Variants in PISD observed in about 807,000 individuals in gnomAD.
PISD encodes phosphatidylserine decarboxylase proenzyme, mitochondrial.
PISD carries 31 observed loss-of-function variants against 43.5 expected under a neutral mutation model. The ratio of observed to expected loss-of-function variants is 0.71; its 90% CI spans 0.54 to 0.96. PISD has a LOEUF of 0.96. Ranked by LOEUF, PISD falls within the 40% of genes least tolerant of loss-of-function variation. The probability of loss-of-function intolerance (pLI) is 0.00; values close to 1 mark genes in which losing one functional copy is unlikely to be tolerated. For missense variants in PISD, 523 were observed against 548.4 expected (o/e 0.95, Z 0.46); for synonymous variants, 259 against 228.7 (o/e 1.13, Z -1.20).
At position 31,662,193 on chromosome 22, in the gene PISD, C is replaced by T. The variant is rs2074341524; in HGVS notation, c.16G>A (p.Gly6Arg). ...TGCAGTAATCCCAGACATCGGTGCC[C>T]CACGGACGTCGCCATCTTGTCTGCT... The part of the protein sequence containing the change: MATSV[G>R]HRCLGLLHGV... The change falls in exon 1 of 8, where the codon GGG becomes AGG. Residue 6 changes from glycine (G) to arginine (R), a missense_variant. Gly to Arg is a moderately radical substitution (Grantham distance 125). Transcript: ENST00000439502. 4 of 1,604,842 alleles carry T rather than the reference C, an allele frequency of 2.5e-6. No homozygotes were observed. Among genetic ancestry groups the T allele is most frequent in the Non-Finnish European group, 3.4e-6 (4 of 1,179,822 alleles).
chr22:31,620,409 G>A, intron 7 of PISD, 144 bp downstream of exon 7: 1 of 759,514 alleles, frequency 1.3e-6, no homozygotes, highest in Non-Finnish European at 2.1e-6. Flanking sequence ...CCATTCTCAG[G>A]ACAGCTGCTC....
intron 3 of PISD, among the ~76,000 whole-genome samples, chr22:31,623,521 G>A (rs568379273): frequency 6.6e-6 from 1 of 152,332 alleles, no homozygotes; most frequent in East Asian, 1.9e-4. Flanking sequence ...CTCAAAAGCT[G>A]CCTTGGCCTT....
chr22:31,648,391 G>T, intron 2 of PISD, 115 bp from the exon 3 acceptor site: 2 of 819,216 alleles, frequency 2.4e-6, no homozygotes, highest in Non-Finnish European at 3.9e-6. Flanking sequence ...GAAGCCCTCA[G>T]TAGGGGACCA....
intron 3 of PISD, among the ~76,000 whole-genome samples, chr22:31,634,511 C>T (rs1601377165): frequency 6.6e-6 from 1 of 152,226 alleles, no homozygotes; most frequent in Non-Finnish European, 1.5e-5. Flanking sequence ...TGCCCAGGCA[C>T]TCAGGAAGGG....
chr22:31,655,213 G>A (rs1214806513), intron 1 of PISD, among the ~76,000 whole-genome samples: 1 of 151,820 alleles, frequency 6.6e-6, no homozygotes, highest in Non-Finnish European at 1.5e-5. Context: ...TTAAGCCACT[G>A]AGAATGCTGG....
chr22:31,630,761 T>A lies in PISD; in HGVS notation c.322-8876A>T, dbSNP rs2073168844. 2.0e-6 allele frequency: 2 copies of A among 985,456 alleles called. No individual in the cohort carries two copies. Among genetic ancestry groups the A allele is most frequent in the Middle Eastern group, 5.2e-4 (1 of 1,938 alleles). 61.0% of individuals were successfully genotyped at this position (985,456 alleles called of 1,614,324 possible). A position where few individuals can be genotyped will look rare whatever the true frequency, so the allele number is the denominator to read the frequency against. On this transcript the variant is annotated intron_variant, in intron 3 of 7. Coordinates refer to ENST00000439502, the MANE Select transcript of PISD (RefSeq NM_001326411.2). The surrounding 1 kb of genome is among the most constrained non-coding windows in gnomAD (Gnocchi z 4.4). The stretch of plus-strand genomic sequence containing the variant: ...TGGGGCGCCTCCCTGAGAAGTCACC[T>A]GGGGCTCCCGGCAGGGCCGGGGCGC...
At chr22:31,660,955 G>C (rs1378513937) in intron 1 of PISD, among the ~76,000 whole-genome samples, 1 of 152,024 alleles carries the variant, frequency 6.6e-6, no homozygotes, top group East Asian at 1.9e-4. Context: ...GGCTGGTCTC[G>C]AACTCCTGAC....
At chr22:31,637,320 A>C (rs564756552) in intron 3 of PISD, among the ~76,000 whole-genome samples, 1 of 148,500 alleles carries the variant, frequency 6.7e-6, no homozygotes, top group Admixed American at 6.7e-5. Flanking sequence ...CTGTGATCAC[A>C]CCGCTACACT....
Position 31,625,939 on chromosome 22 carries a change from C to T in PISD, c.322-4054G>A, listed in dbSNP as rs1051949794. On this transcript the variant is annotated intron_variant, in intron 3 of 7. Transcript: ENST00000439502. ...CACTGCTCCAGGGCCTCTGCCTCTG[C>T]GAGGCTGGTTGGTGGCGCCGCTTCC... 2.2e-5 allele frequency: 33 copies of T among 1,503,322 alleles called. No individual in the cohort carries two copies. The South Asian group carries it at 2.7e-4, about 12-fold the overall frequency. The allele number at this position is 1,503,322 out of a possible 1,614,324, so 93.1% of individuals were successfully genotyped here. A position where few individuals can be genotyped will look rare whatever the true frequency, so the allele number is the denominator to read the frequency against.
At chr22:31,655,315 C>A (rs1262903051) in intron 1 of PISD, among the ~76,000 whole-genome samples, 2 of 145,394 alleles carry the variant, frequency 1.4e-5, no homozygotes, top group Non-Finnish European at 3.0e-5. Flanking sequence ...GGTACAACCC[C>A]CTTTTTTTTT....
intron 1 of PISD, among the ~76,000 whole-genome samples, chr22:31,654,189 G>A (rs887513656): frequency 3.9e-5 from 6 of 151,962 alleles, no homozygotes; most frequent in East Asian, 3.8e-4. Flanking sequence ...CTTACTTGAC[G>A]TCTCAGCAGC....
At chr22:31,629,576 G>A (rs1288104268) in intron 3 of PISD, 2 of 146,240 alleles carry the variant, frequency 1.4e-5, no homozygotes, top group Non-Finnish European at 3.0e-5. Flanking sequence ...GCGCGTGCGT[G>A]TATGGGTGTG....
At chr22:31,637,163 AAATATAT>A (rs2073510968) in intron 3 of PISD, among the ~76,000 whole-genome samples, 2 of 20,404 alleles carry the variant, frequency 9.8e-5, no homozygotes, top group Non-Finnish European at 1.6e-4. Context: ...AAAAAAAAAA[AAATATAT>A]ATATATATAT....
intron 3 of PISD, among the ~76,000 whole-genome samples, chr22:31,634,565 G>C (rs114639710): frequency 6.6e-6 from 1 of 152,140 alleles, no homozygotes; most frequent in Non-Finnish European, 1.5e-5. Context: ...GGCCAGACGT[G>C]GTGACTTAGT....
At chr22:31,633,985 G>A (rs1231492609) in intron 3 of PISD, among the ~76,000 whole-genome samples, 1 of 152,128 alleles carries the variant, frequency 6.6e-6, no homozygotes, top group African/African-American at 2.4e-5. Context: ...GACTCCCTTG[G>A]GTGGGAGTGC....
In PISD at chr22:31,619,452, T is replaced by C; in HGVS notation, c.*160A>G. ...TCTCGCCACCTCTTGTCTGCACCTCTGGAACAGGTGGTAGCCGAATCATTC... is the reference window on the plus strand; with the variant it reads ...TCTCGCCACCTCTTGTCTGCACCTCCGGAACAGGTGGTAGCCGAATCATTC... On this transcript the variant is annotated 3_prime_UTR_variant, in exon 8 of 8. Coordinates refer to ENST00000439502, the MANE Select transcript of PISD (RefSeq NM_001326411.2). The C allele has an allele frequency of 1.4e-6, 1 of 698,678 alleles. No homozygotes were observed. Among genetic ancestry groups the C allele is most frequent in the South Asian group, 1.5e-5 (1 of 66,762 alleles). The allele number at this position is 698,678 out of a possible 1,614,324, so 43.3% of individuals were successfully genotyped here. A position where few individuals can be genotyped will look rare whatever the true frequency, so the allele number is the denominator to read the frequency against.
intron 3 of PISD, chr22:31,625,872 C>G: frequency 6.4e-7 from 1 of 1,554,666 alleles, no homozygotes; most frequent in South Asian, 1.2e-5. Context: ...TTGTTTTCCT[C>G]TTTCCTCCCC....
At chr22:31,635,004 TA>T (rs1362762589) in intron 3 of PISD, among the ~76,000 whole-genome samples, 1 of 150,056 alleles carries the variant, frequency 6.7e-6, no homozygotes, top group African/African-American at 2.5e-5. Flanking sequence ...CTGTCTCTAC[TA>T]AAAATACAAA....
chr22:31,638,327 C>G (rs1157618153), intron 3 of PISD: 1 of 980,302 alleles, frequency 1.0e-6, no homozygotes, highest in Admixed American at 6.1e-5. Context: ...TCTGGACGGC[C>G]ACCCCTGCTG....
Sources: gnomAD v4.1 joint callset for allele counts (sites outside exome capture counted in the v4.1 genomes callset) on GRCh38, gnomAD v4.1.1 for gene constraint, Gnocchi (gnomAD v3.1) non-coding constraint, MANE v1.5 for transcripts, NCBI Gene and HGNC (gene_info 2026-07-23, HGNC 2026-07-21) for gene names.